Variants in ERN1 observed in about 807,000 individuals in gnomAD.
ERN1 encodes the protein endoplasmic reticulum to nucleus signaling 1.
A neutral mutation model predicts 113.1 loss-of-function variants in ERN1; 39 were observed. The ratio of observed to expected loss-of-function variants is 0.34; its 90% CI spans 0.27 to 0.45. The LOEUF (loss-of-function observed/expected upper bound fraction) is 0.45. ERN1 is among the 20% of genes least tolerant of loss of function. ERN1 has a pLI of 1.00. For missense variants in ERN1, 976 were observed against 1,274.8 expected, an observed-to-expected ratio of 0.77 and a Z score of 3.57; for synonymous variants, 507 against 515.9, an observed-to-expected ratio of 0.98 and a Z score of 0.23.
At chr17:64,073,170 C>CT (rs1363317252) in intron 5 of ERN1, among the ~76,000 whole-genome samples, 4 of 151,400 alleles carry the variant, frequency 2.6e-5, no homozygotes, top group African/African-American at 7.3e-5. Context: ...ATGCCTGGCT[C>CT]TTTTTTTATT....
chr17:64,046,079 T>A (rs1912504552), intron 19 of ERN1, among the ~76,000 whole-genome samples: 1 of 152,242 alleles, frequency 6.6e-6, no homozygotes, highest in South Asian at 2.1e-4. Flanking sequence ...CACCCAAGTA[T>A]GGCCTCTTGA....
chr17:64,067,545 C>T (rs536838857), intron 7 of ERN1, among the ~76,000 whole-genome samples: 41 of 151,246 alleles, frequency 2.7e-4, no homozygotes, highest in African/African-American at 9.9e-4. Flanking sequence ...GAGTTTCAGG[C>T]TGCAGTGAGC....
At chr17:64,050,242 G>A (rs79531916) in intron 17 of ERN1, among the ~76,000 whole-genome samples, 1 of 152,166 alleles carries the variant, frequency 6.6e-6, no homozygotes, top group East Asian at 1.9e-4. Context: ...GGAGGAACAT[G>A]GCCACCACAG....
At chr17:64,073,004 ATT>A (rs34253228) in intron 5 of ERN1, among the ~76,000 whole-genome samples, 280 of 128,978 alleles carry the variant, frequency 2.2e-3, no homozygotes, top group Middle Eastern at 7.9e-3. Context: ...AGCCTTTGAA[ATT>A]TTTTTTTTTT....
chr17:64,066,537 C>T (rs1434441922), intron 8 of ERN1, 134 bp downstream of exon 8: 2 of 1,086,796 alleles, frequency 1.8e-6, no homozygotes, highest in African/African-American at 3.2e-5. Flanking sequence ...ATGAAACAGT[C>T]TTGGCTCTGA....
Position 64,049,263 on chromosome 17 carries a change from C to T in ERN1, c.2254-61G>A. On this transcript the variant is annotated intron_variant, in intron 17 of 21. Transcript: ENST00000433197. This position sits in a 1 kb window ranked among gnomAD's most constrained non-coding sequence, Gnocchi z 4.7. ...CAGAGTTTTCATCCTCACTCACAGTCAGGGAGGGAGGAGCATTGCTGCTGC... is the reference window on the plus strand; with the variant it reads ...CAGAGTTTTCATCCTCACTCACAGTTAGGGAGGGAGGAGCATTGCTGCTGC... 1 of 1,480,894 alleles carries T rather than the reference C, an allele frequency of 6.8e-7. No individual in the cohort carries two copies. Among genetic ancestry groups the T allele is most frequent in the Non-Finnish European group, 9.1e-7 (1 of 1,098,192 alleles). The allele number at this position is 1,480,894 out of a possible 1,614,324, so 91.7% of individuals were successfully genotyped here. A position where few individuals can be genotyped will look rare whatever the true frequency, so the allele number is the denominator to read the frequency against.
intron 8 of ERN1, 60 bp from the exon 9 acceptor site, chr17:64,065,347 G>T: frequency 7.7e-7 from 1 of 1,300,172 alleles, no homozygotes; most frequent in Non-Finnish European, 1.1e-6. Flanking sequence ...CCCACAGAAG[G>T]GAGTAATCAT....
rs1598050558 is a variant in ERN1 at position 64,057,958 on chromosome 17, T to G, written c.1242A>C (p.Ala414=). 1 of 1,595,112 alleles carries G rather than the reference T, an allele frequency of 6.3e-7. No individual in the cohort carries two copies. Among genetic ancestry groups the G allele is most frequent in the Non-Finnish European group, 8.5e-7 (1 of 1,170,950 alleles). The change falls in exon 12 of 22, where the codon GCA becomes GCC. Residue 414 remains alanine (A), a synonymous_variant. Coordinates refer to ENST00000433197, the MANE Select transcript of ERN1 (RefSeq NM_001433.5). ...INLVDQTSEN[A]PTTVSRDVEE... is the part of the protein sequence containing the mutation. ...CCACATCCCGAGACACGGTGGTAGG[T>G]GCGTTTTCTGAAGTCTGGTCAACCA...
chr17:64,084,191 C>T (rs1199730936), intron 2 of ERN1, among the ~76,000 whole-genome samples: 1 of 152,104 alleles, frequency 6.6e-6, no homozygotes. Context: ...AGACTGGCTT[C>T]TACTCCTGAC....
At chr17:64,075,530 T>TCAAGTGA (rs746020954) in intron 4 of ERN1, among the ~76,000 whole-genome samples, 1 of 152,182 alleles carries the variant, frequency 6.6e-6, no homozygotes, top group Non-Finnish European at 1.5e-5. Context: ...CCTCCTGGGT[T>TCAAGTGA]CAAGTGATTC....
At chr17:64,060,681 G>T (rs1913027298) in intron 10 of ERN1, 94 bp from the exon 11 acceptor site, 1 of 840,836 alleles carries the variant, frequency 1.2e-6, no homozygotes, top group African/African-American at 1.7e-5. Flanking sequence ...ACCCACTGAG[G>T]GGTCCACAAT....
In ERN1 at chr17:64,042,665, A is replaced by C. The variant is rs940458508; in HGVS notation, c.*1323T>G. 4 of 152,064 alleles carry C rather than the reference A, an allele frequency of 2.6e-5. No individual in the cohort carries two copies. Among genetic ancestry groups the C allele is most frequent in the African/African-American group, 9.7e-5 (4 of 41,310 alleles). The allele number at this position is 152,064 out of a possible 1,614,324, so 9.4% of individuals were successfully genotyped here. A position where few individuals can be genotyped will look rare whatever the true frequency, so the allele number is the denominator to read the frequency against. On this transcript the variant is annotated 3_prime_UTR_variant, in exon 22 of 22. Coordinates refer to ENST00000433197, the MANE Select transcript of ERN1 (RefSeq NM_001433.5). ...GTTTTGACTGAAACTAAAGCTAAAA[A>C]TTATGTTAAGTTTAGAAAAAAAAAT... is the stretch of plus-strand genomic sequence containing the variant.
chr17:64,098,415 AC>A lies in ERN1; in HGVS notation c.55-175del. ...CTCAGTCAGGACTAGAACCCAGGTC[AC>A]CTCACTCTAAGCAGTGATCCTGCCT... On this transcript the variant is annotated intron_variant, in intron 1 of 21. Coordinates refer to ENST00000433197, the MANE Select transcript of ERN1 (RefSeq NM_001433.5). 3.7e-6 allele frequency: 3 copies of A among 805,472 alleles called. No homozygotes were observed. The South Asian group carries it at 4.0e-5, about 11-fold the overall frequency. The allele number at this position is 805,472 out of a possible 1,614,324, so 49.9% of individuals were successfully genotyped here.
At chr17:64,086,608 T>G (rs1384597911) in intron 2 of ERN1, among the ~76,000 whole-genome samples, 2 of 150,860 alleles carry the variant, frequency 1.3e-5, no homozygotes, top group African/African-American at 2.4e-5. Context: ...TTTGGACCTA[T>G]TTTCATTTCT....
chr17:64,106,212 A>T (rs1446786182), intron 1 of ERN1, among the ~76,000 whole-genome samples: 1 of 152,234 alleles, frequency 6.6e-6, no homozygotes, highest in Non-Finnish European at 1.5e-5. Context: ...CTGAATACAT[A>T]TTACAGTATT....
chr17:64,104,511 G>C (rs16947489), intron 1 of ERN1, among the ~76,000 whole-genome samples: 7,983 of 152,148 alleles, frequency 0.052, 675 homozygotes, highest in African/African-American at 0.18. Flanking sequence ...TGATTCCCAG[G>C]TTGACTACCT....
rs937305209 is a variant in ERN1 at position 64,063,146 on chromosome 17, G to A, written c.1087+840C>T. 7.2e-5 allele frequency among the ~76,000 whole-genome samples: 11 copies of A among 152,226 alleles called. No individual in the cohort carries two copies. Among genetic ancestry groups the A allele is most frequent in the Admixed American group, 2.0e-4 (3 of 15,278 alleles). ...GAGAACAGAGAGAAGAAACTGCACC[G>A]GCCCCTGGGTGCTCCAGCACCCGAC... On this transcript the variant is annotated intron_variant, in intron 10 of 21. Transcript: ENST00000433197. The surrounding 1 kb of genome is among the most constrained non-coding windows in gnomAD (Gnocchi z 5.1).
At chr17:64,098,463 C>T (rs371410945) in intron 1 of ERN1, 1 of 727,300 alleles carries the variant, frequency 1.4e-6, no homozygotes, top group African/African-American at 1.7e-5. Context: ...GGCTCATGAC[C>T]TAACATTACA....
chr17:64,069,003 T>C (rs7223310), intron 6 of ERN1, among the ~76,000 whole-genome samples: 4,017 of 152,114 alleles, frequency 0.026, 177 homozygotes, highest in African/African-American at 0.093. Context: ...CTATAAAGGG[T>C]CCAGGACTGA....
Sources: gnomAD v4.1 joint callset for allele counts (sites outside exome capture counted in the v4.1 genomes callset) on GRCh38, gnomAD v4.1.1 for gene constraint, Gnocchi (gnomAD v3.1) non-coding constraint, MANE v1.5 for transcripts, NCBI Gene and HGNC (gene_info 2026-07-23, HGNC 2026-07-21) for gene names.